Variants in ATE1 observed in about 807,000 individuals in gnomAD.
ATE1 encodes the protein arginyl-tRNA--protein transferase 1.
ATE1 carries 36 observed loss-of-function variants against 70.5 expected under a neutral mutation model. The observed-to-expected ratio is 0.51, with a 90% CI of 0.39 to 0.67. The LOEUF (loss-of-function observed/expected upper bound fraction) is 0.67. Ranked by LOEUF, ATE1 falls within the 30% of genes least tolerant of loss-of-function variation. The pLI is 0.00. For missense variants in ATE1, 593 were observed against 629.5 expected (o/e 0.94, Z 0.62); for synonymous variants, 232 against 219.3 (o/e 1.06, Z -0.51).
chr10:121,903,904 T>C (rs17096127), intron 5 of ATE1, among the ~76,000 whole-genome samples: 7,504 of 152,136 alleles, frequency 0.049, 427 homozygotes, highest in African/African-American at 0.14. Context: ...GGAGACACCA[T>C]GGTAACAGTC....
intron 8 of ATE1, among the ~76,000 whole-genome samples, chr10:121,852,718 T>C (rs1051105418): frequency 2.0e-5 from 3 of 150,266 alleles, no homozygotes; most frequent in African/African-American, 7.6e-5. Context: ...CTCAAAAAAA[T>C]AAATAAATAA....
intron 7 of ATE1, among the ~76,000 whole-genome samples, chr10:121,886,743 C>G (rs1004191587): frequency 2.0e-5 from 3 of 152,128 alleles, no homozygotes; most frequent in Non-Finnish European, 2.9e-5. Flanking sequence ...TTGTTTATAT[C>G]AATTAGCCTA....
At chr10:121,839,087 T>G (rs1308778048) in intron 9 of ATE1, among the ~76,000 whole-genome samples, 1 of 152,138 alleles carries the variant, frequency 6.6e-6, no homozygotes, top group East Asian at 1.9e-4. Context: ...CCGCAACTCA[T>G]CTTCTCAAGA....
chr10:121,838,785 T>C (rs1413349855), intron 9 of ATE1, among the ~76,000 whole-genome samples: 4 of 152,132 alleles, frequency 2.6e-5, no homozygotes, highest in Non-Finnish European at 4.4e-5. Flanking sequence ...GCCATGCTCA[T>C]GATCCCCAAT....
At chr10:121,783,901 T>G (rs1319026998) in intron 11 of ATE1, among the ~76,000 whole-genome samples, 1 of 152,242 alleles carries the variant, frequency 6.6e-6, no homozygotes, top group East Asian at 1.9e-4. Flanking sequence ...TTTTTTCGGT[T>G]TTGAGACAGG....
intron 7 of ATE1, among the ~76,000 whole-genome samples, chr10:121,883,159 C>T (rs1950276754): frequency 6.6e-6 from 1 of 152,124 alleles, no homozygotes. Context: ...TCCAACCCTC[C>T]TTTATACCTG....
intron 7 of ATE1, among the ~76,000 whole-genome samples, chr10:121,884,475 G>A (rs1410150913): frequency 6.6e-6 from 1 of 152,076 alleles, no homozygotes; most frequent in African/African-American, 2.4e-5. Context: ...TGTAGTGCCA[G>A]CTACTCAGGG....
intron 7 of ATE1, among the ~76,000 whole-genome samples, chr10:121,874,705 T>C (rs933168293): frequency 1.3e-5 from 2 of 152,170 alleles, no homozygotes; most frequent in East Asian, 1.9e-4. Context: ...ATTCAAAACA[T>C]CTTAAAAGAT....
At chr10:121,919,968 G>A (rs767901028) in intron 3 of ATE1, among the ~76,000 whole-genome samples, 2 of 151,900 alleles carry the variant, frequency 1.3e-5, no homozygotes, top group African/African-American at 2.4e-5. Flanking sequence ...AGCTCTCATC[G>A]ACTTCTCAAA....
chr10:121,865,039 A>G (rs1345426457), intron 8 of ATE1, among the ~76,000 whole-genome samples: 1 of 152,080 alleles, frequency 6.6e-6, no homozygotes, highest in Non-Finnish European at 1.5e-5. Context: ...CTATCATATC[A>G]CTTCATGTAA....
intron 7 of ATE1, among the ~76,000 whole-genome samples, chr10:121,883,316 AT>A (rs1257968656): frequency 6.6e-6 from 1 of 152,070 alleles, no homozygotes; most frequent in African/African-American, 2.4e-5. Context: ...TCTTTATCTG[AT>A]TTACTCACTG....
At chr10:121,921,028 G>T (rs893916385) in intron 3 of ATE1, among the ~76,000 whole-genome samples, 1 of 150,808 alleles carries the variant, frequency 6.6e-6, no homozygotes, top group Non-Finnish European at 1.5e-5. Flanking sequence ...GACTCTAAGT[G>T]TAAGTGGCAG....
chr10:121,830,224 G>A (rs1948183604), intron 10 of ATE1, among the ~76,000 whole-genome samples: 1 of 152,214 alleles, frequency 6.6e-6, no homozygotes, highest in South Asian at 2.1e-4. Context: ...GATTCCTGGT[G>A]TGGTAGTGTT....
At chr10:121,881,601 A>G (rs1590616382) in intron 7 of ATE1, among the ~76,000 whole-genome samples, 2 of 151,018 alleles carry the variant, frequency 1.3e-5, no homozygotes, top group Non-Finnish European at 2.9e-5. Flanking sequence ...TATAGTGCAC[A>G]GTGATCATAA....
intron 5 of ATE1, among the ~76,000 whole-genome samples, chr10:121,905,187 A>C (rs1224299740): frequency 6.6e-6 from 1 of 152,226 alleles, no homozygotes; most frequent in Non-Finnish European, 1.5e-5. Context: ...TGAGGATTAA[A>C]TGAGTTAATA....
chr10:121,911,223 A>G, intron 4 of ATE1, 72 bp from the exon 5 acceptor site: 1 of 1,531,232 alleles, frequency 6.5e-7, no homozygotes, highest in South Asian at 1.2e-5. Context: ...CAGAAATACA[A>G]TGTTCCTATT....
At chr10:121,861,680 C>T (rs1347369899) in intron 8 of ATE1, among the ~76,000 whole-genome samples, 1 of 148,868 alleles carries the variant, frequency 6.7e-6, no homozygotes, top group Non-Finnish European at 1.5e-5. Flanking sequence ...AGCGCACCAG[C>T]ATGGCACATG....
At position 121,840,325 on chromosome 10, in the gene ATE1, C is replaced by T. The variant is rs547594251; in HGVS notation, c.1157+757G>A. The stretch of plus-strand genomic sequence containing the variant: ...ATTCATTTACACCGCATTAACTTAA[C>T]GTTTAATTAATAGTAAAAAATATAA... On this transcript the variant is annotated intron_variant, in intron 9 of 11. Transcript: ENST00000224652. Among the ~76,000 whole-genome samples the T allele has an allele frequency of 7.2e-5, 11 of 152,128 alleles. No homozygotes were observed. In the East Asian group the frequency reaches 1.4e-3, roughly 19 times the overall value.
At chr10:121,908,413 G>C (rs939667849) in intron 5 of ATE1, among the ~76,000 whole-genome samples, 56 of 152,128 alleles carry the variant, frequency 3.7e-4, no homozygotes, top group African/African-American at 1.2e-3. Context: ...GCTGAGACAG[G>C]AGAATCACTG....
Sources: gnomAD v4.1 joint callset for allele counts (sites outside exome capture counted in the v4.1 genomes callset) on GRCh38, gnomAD v4.1.1 for gene constraint, MANE v1.5 for transcripts, NCBI Gene and HGNC (gene_info 2026-07-23, HGNC 2026-07-21) for gene names.